TSPAN9: variants seen among roughly 807,000 people sequenced by gnomAD.
The protein encoded by TSPAN9 is tetraspanin-9.
A neutral mutation model predicts 31.0 loss-of-function variants in TSPAN9; 16 were observed. The observed-to-expected ratio is 0.52, with a 90% confidence interval of 0.35 to 0.78. TSPAN9 has a LOEUF of 0.78. Ranked by LOEUF, TSPAN9 falls within the 30% of genes least tolerant of loss-of-function variation. The probability of loss-of-function intolerance (pLI) is 0.01; values close to 1 mark genes in which losing one functional copy is unlikely to be tolerated. For missense variants in TSPAN9, 272 were observed against 312.5 expected (o/e 0.87, Z 0.98); for synonymous variants, 145 against 121.6 (o/e 1.19, Z -1.27).
In TSPAN9 at chr12:3,106,936, G is replaced by A. The variant is rs1013289664; in HGVS notation, c.-18+23217G>A. Among the ~76,000 whole-genome samples the A allele has an allele frequency of 7.9e-5, 12 of 152,164 alleles. No individual in the cohort carries two copies. The South Asian group carries it at 2.3e-3, about 29-fold the overall frequency. ...AAGACCTTGGCTGCAGAGCTCTTGG[G>A]GCCCTGGGGATGGAGGGTGCATTGG... is the stretch of plus-strand genomic sequence containing the variant. On this transcript the variant is annotated intron_variant, in intron 2 of 8. Coordinates refer to ENST00000011898, the MANE Select transcript of TSPAN9 (RefSeq NM_006675.5).
In TSPAN9 at chr12:3,081,844, G is replaced by GTGTGTGTGTGTATATATATA. The variant is rs57812985; in HGVS notation, c.-84-1808_-84-1807insGTGTGTGTGTATATATATAT. 1.7e-5 allele frequency among the ~76,000 whole-genome samples: 2 copies of GTGTGTGTGTGTATATATATA among 116,738 alleles called. 1 individual carries two copies. Among genetic ancestry groups the GTGTGTGTGTGTATATATATA allele is most frequent in the African/African-American group, 7.3e-5 (2 of 27,388 alleles). 76.6% of individuals were successfully genotyped at this position (116,738 alleles called of 152,430 possible). Reference sequence around the variant, plus strand: ...TGTGTGTGTGTGTGTGTCTGTGTGTGTATATATATGCCAGGTGTGGTGGTA... The same window carrying GTGTGTGTGTGTATATATATA: ...TGTGTGTGTGTGTGTGTCTGTGTGTGTGTGTGTGTGTATATATATATATATATATGCCAGGTGTGGTGGTA... On this transcript the variant is annotated intron_variant, in intron 1 of 8. Coordinates refer to ENST00000011898, the MANE Select transcript of TSPAN9 (RefSeq NM_006675.5).
At chr12:3,204,531 T>G (rs907114038) in intron 3 of TSPAN9, among the ~76,000 whole-genome samples, 1 of 152,044 alleles carries the variant, frequency 6.6e-6, no homozygotes, top group Admixed American at 6.5e-5. Flanking sequence ...GGGGTCCAGG[T>G]CTGCTCCTGA....
chr12:3,112,971 C>G (rs1343756915), intron 2 of TSPAN9, among the ~76,000 whole-genome samples: 1 of 152,154 alleles, frequency 6.6e-6, no homozygotes, highest in Non-Finnish European at 1.5e-5. Flanking sequence ...TAGGAATACA[C>G]CATTGTGCCC....
intron 2 of TSPAN9, among the ~76,000 whole-genome samples, chr12:3,089,349 T>C (rs994487380): frequency 8.5e-5 from 12 of 140,754 alleles, no homozygotes; most frequent in East Asian, 2.2e-4. Context: ...CAGGCTGGAG[T>C]GCAGTGGCGT....
intron 2 of TSPAN9, among the ~76,000 whole-genome samples, chr12:3,157,532 A>C (rs1454964182): frequency 6.6e-6 from 1 of 152,270 alleles, no homozygotes; most frequent in African/African-American, 2.4e-5. Flanking sequence ...TGGGGAGACC[A>C]ATGCTTGCCT....
chr12:3,278,351 T>C, intron 3 of TSPAN9, 70 bp from the exon 4 acceptor site: 1 of 1,578,590 alleles, frequency 6.3e-7, no homozygotes, highest in South Asian at 1.2e-5. Flanking sequence ...GGTGGGGACC[T>C]GCACTGTTCC....
chr12:3,137,940 G>T (rs1013337727), intron 2 of TSPAN9, among the ~76,000 whole-genome samples: 4 of 152,190 alleles, frequency 2.6e-5, no homozygotes, highest in African/African-American at 9.7e-5. Flanking sequence ...TTAAACAGGG[G>T]CTGCTGCTGG....
intron 2 of TSPAN9, among the ~76,000 whole-genome samples, chr12:3,162,622 GA>G (rs1555146851): frequency 1.2e-3 from 8 of 6,422 alleles, no homozygotes; most frequent in East Asian, 0.019. Flanking sequence ...TGAATGTTTA[GA>G]AAAAAAAAAA....
At chr12:3,261,323 C>T (rs891161066) in intron 3 of TSPAN9, among the ~76,000 whole-genome samples, 1 of 152,192 alleles carries the variant, frequency 6.6e-6, no homozygotes, top group East Asian at 1.9e-4. Context: ...TGGTAAGTAC[C>T]GTATGCATTT....
intron 2 of TSPAN9, among the ~76,000 whole-genome samples, chr12:3,189,116 T>G (rs1346898376): frequency 6.6e-6 from 1 of 152,198 alleles, no homozygotes; most frequent in Non-Finnish European, 1.5e-5. Context: ...AAGAGATGAC[T>G]AGAACAAGAA....
At chr12:3,213,788 G>A (rs995283559) in intron 3 of TSPAN9, among the ~76,000 whole-genome samples, 42 of 152,190 alleles carry the variant, frequency 2.8e-4, no homozygotes, top group Admixed American at 2.6e-3. Context: ...CTGCATTGCC[G>A]ATTAGCTTTC....
Position 3,280,635 on chromosome 12 carries a change from C to G in TSPAN9, c.432+152C>G. The G allele has an allele frequency of 1.4e-6, 1 of 698,014 alleles. No individual in the cohort carries two copies. The highest frequency in any genetic ancestry group is 1.7e-5 in the South Asian group (1 of 57,488). 43.2% of individuals were successfully genotyped at this position (698,014 alleles called of 1,614,324 possible). ...GTACCCACGGGGGCATTTGCCTGAA[C>G]TGCTGAGTCAGATGTGATACAGCAA... On this transcript the variant is annotated intron_variant, in intron 6 of 8. Transcript: ENST00000011898. This position sits in a 1 kb window ranked among gnomAD's most constrained non-coding sequence, Gnocchi z 4.5.
At chr12:3,132,394 A>G (rs922887646) in intron 2 of TSPAN9, among the ~76,000 whole-genome samples, 4 of 152,092 alleles carry the variant, frequency 2.6e-5, no homozygotes, top group Admixed American at 2.6e-4. Flanking sequence ...CCGGCAACGC[A>G]TGAGGGTTCC....
chr12:3,080,193 A>G (rs1242194146), intron 1 of TSPAN9, among the ~76,000 whole-genome samples: 1 of 152,210 alleles, frequency 6.6e-6, no homozygotes, highest in Non-Finnish European at 1.5e-5. Context: ...GGTATATTGG[A>G]TTAGAAATAT....
rs536907424 is a variant in TSPAN9, at chr12:3,285,892, G to A, written c.*2776G>A. On this transcript the variant is annotated 3_prime_UTR_variant, in exon 9 of 9. Transcript: ENST00000011898. ...CACAGGCTGAGAACTGCTCTTGGGTGGTGGAAGCAGGTGTCACGGTGCAAG... is the reference window on the plus strand; with the variant it reads ...CACAGGCTGAGAACTGCTCTTGGGTAGTGGAAGCAGGTGTCACGGTGCAAG... The A allele has an allele frequency of 6.6e-6, 1 of 152,394 alleles. No individual in the cohort carries two copies. The highest frequency in any genetic ancestry group is 1.5e-5 in the Non-Finnish European group (1 of 68,086). The allele number at this position is 152,394 out of a possible 1,614,324, so 9.4% of individuals were successfully genotyped here.
intron 2 of TSPAN9, among the ~76,000 whole-genome samples, chr12:3,195,911 G>A (rs1591670571): frequency 6.6e-6 from 1 of 152,290 alleles, no homozygotes; most frequent in African/African-American, 2.4e-5. Context: ...CTTCTGCAAG[G>A]GACAGCTCGG....
chr12:3,209,958 CAAAAAA>C (rs57719008), intron 3 of TSPAN9, among the ~76,000 whole-genome samples: 1 of 49,742 alleles, frequency 2.0e-5, no homozygotes, highest in Non-Finnish European at 4.0e-5. Context: ...GACTCTGTCC[CAAAAAA>C]AAAAAAAAAA....
intron 8 of TSPAN9, 150 bp downstream of exon 8, chr12:3,281,967 C>T (rs764071375): frequency 3.8e-5 from 34 of 884,464 alleles, no homozygotes; most frequent in East Asian, 7.9e-5. Context: ...TGCCTGCCAC[C>T]GTTTCCGCAG....
At chr12:3,102,001 G>A (rs1356964212) in intron 2 of TSPAN9, among the ~76,000 whole-genome samples, 1 of 152,212 alleles carries the variant, frequency 6.6e-6, no homozygotes, top group Non-Finnish European at 1.5e-5. Flanking sequence ...AAGCTCCTGA[G>A]GAGGTGTCAC....
Sources: allele counts gnomAD v4.1 joint callset (sites outside exome capture counted in the v4.1 genomes callset), GRCh38; gene constraint gnomAD v4.1.1; non-coding constraint Gnocchi (gnomAD v3.1); transcripts MANE v1.5; gene names NCBI Gene and HGNC (gene_info 2026-07-23, HGNC 2026-07-21).